KAZN: variants seen among roughly 807,000 people sequenced by gnomAD.
KAZN encodes the protein kazrin.
Under a neutral mutation model 87.4 loss-of-function variants are expected in KAZN, and 40 were observed. That is an observed-to-expected ratio of 0.46 (90% confidence interval 0.36 to 0.60). The LOEUF is 0.60. Ranked by LOEUF, KAZN falls within the 20% of genes least tolerant of loss-of-function variation. The pLI is 0.00. For missense variants in KAZN, 898 were observed against 1,073.9 expected, an observed-to-expected ratio of 0.84 and a Z score of 2.29; for synonymous variants, 466 against 458.3, an observed-to-expected ratio of 1.02 and a Z score of -0.22.
At chr1:14,864,992 C>A (rs1013993963) in intron 1 of KAZN, among the ~76,000 whole-genome samples, 1 of 152,180 alleles carries the variant, frequency 6.6e-6, no homozygotes, top group Non-Finnish European at 1.5e-5. Flanking sequence ...GCTAGACCCA[C>A]CAAAACATTG....
In KAZN at chr1:14,676,773, T is replaced by C. The variant is rs547603267; in HGVS notation, c.226+77550T>C. Among the ~76,000 whole-genome samples, 8 of 152,206 alleles carry C rather than the reference T, an allele frequency of 5.3e-5. No homozygotes were observed. In the South Asian group the frequency reaches 1.5e-3, roughly 28 times the overall value. ...CAAATCCATAGAGTTGGAAAGCAGATTGGTGGGTGCCAGGAGCTATGGGGA... is the reference window on the plus strand; with the variant it reads ...CAAATCCATAGAGTTGGAAAGCAGACTGGTGGGTGCCAGGAGCTATGGGGA... On this transcript the variant is annotated intron_variant, in intron 1 of 14. Transcript: ENST00000376030.
intron 1 of KAZN, among the ~76,000 whole-genome samples, chr1:14,907,824 G>A (rs574692102): frequency 2.6e-5 from 4 of 152,224 alleles, no homozygotes; most frequent in East Asian, 3.9e-4. Flanking sequence ...GTGGATCCCC[G>A]CTCAGCTCTC....
intron 1 of KAZN, among the ~76,000 whole-genome samples, chr1:14,642,749 T>A (rs936495330): frequency 2.0e-5 from 3 of 152,234 alleles, no homozygotes; most frequent in African/African-American, 7.2e-5. Context: ...ATGCTAATTA[T>A]TCTGATCTGA....
intron 2 of KAZN, among the ~76,000 whole-genome samples, chr1:14,275,942 T>C (rs1403281943): frequency 6.6e-6 from 1 of 152,196 alleles, no homozygotes; most frequent in Non-Finnish European, 1.5e-5. Context: ...ACCATGGTCC[T>C]ATGTAAAAAT....
intron 1 of KAZN, among the ~76,000 whole-genome samples, chr1:14,887,039 T>C (rs891247538): frequency 1.3e-5 from 2 of 152,156 alleles, no homozygotes; most frequent in Admixed American, 6.6e-5. Context: ...ACGAGTGTGG[T>C]TGTGAGGATT....
chr1:14,500,604 C>A (rs569811341), intron 2 of KAZN, among the ~76,000 whole-genome samples: 1 of 151,190 alleles, frequency 6.6e-6, no homozygotes, highest in African/African-American at 2.4e-5. Context: ...AAACTGGAAC[C>A]GAAACACATG....
intron 1 of KAZN, among the ~76,000 whole-genome samples, chr1:14,169,472 C>T (rs1645903552): frequency 6.6e-6 from 1 of 152,164 alleles, no homozygotes. Flanking sequence ...TACCTCTGGA[C>T]AGTTTGGTGG....
In KAZN at chr1:14,578,108, G is replaced by A. The variant is rs148551922; in HGVS notation, c.250-20875G>A. On this transcript the variant is annotated intron_variant, in intron 2 of 16. Transcript: ENST00000636203. Reference sequence around the variant, plus strand: ...TTCAATGAGCTCCTTCGGATTGGACGCATAATGAGCACATAATCCAAGTTT... The same window carrying A: ...TTCAATGAGCTCCTTCGGATTGGACACATAATGAGCACATAATCCAAGTTT... 6.4e-4 allele frequency among the ~76,000 whole-genome samples: 98 copies of A among 152,162 alleles called. No individual in the cohort carries two copies. The East Asian group carries it at 0.014, about 22-fold the overall frequency.
At chr1:14,674,917 C>T (rs1640124688) in intron 1 of KAZN, among the ~76,000 whole-genome samples, 1 of 151,868 alleles carries the variant, frequency 6.6e-6, no homozygotes, top group South Asian at 2.1e-4. Flanking sequence ...CTCCTGAGCA[C>T]CTGGGACTAC....
chr1:14,880,160 C>A (rs1201900294), intron 1 of KAZN, among the ~76,000 whole-genome samples: 1 of 152,022 alleles, frequency 6.6e-6, no homozygotes, highest in Non-Finnish European at 1.5e-5. Flanking sequence ...AGGGAGCTGC[C>A]CCATCAAATT....
chr1:14,954,348 A>T (rs1343567990), intron 1 of KAZN, among the ~76,000 whole-genome samples: 1 of 152,248 alleles, frequency 6.6e-6, no homozygotes, highest in Non-Finnish European at 1.5e-5. Flanking sequence ...GGCAAAGGCC[A>T]GGAGAGTTTT....
chr1:15,054,698 C>G (rs192699849), intron 4 of KAZN, among the ~76,000 whole-genome samples: 17 of 152,126 alleles, frequency 1.1e-4, no homozygotes, highest in Admixed American at 9.2e-4. Flanking sequence ...TGCAGTAGCA[C>G]ATTTCTAATA....
intron 1 of KAZN, among the ~76,000 whole-genome samples, chr1:14,025,116 T>A (rs1372400491): frequency 6.6e-6 from 1 of 152,228 alleles, no homozygotes; most frequent in Non-Finnish European, 1.5e-5. Flanking sequence ...ACAGAACAGG[T>A]CACTGGTTAG....
intron 1 of KAZN, among the ~76,000 whole-genome samples, chr1:14,876,575 T>C (rs1242149861): frequency 6.6e-6 from 1 of 152,188 alleles, no homozygotes; most frequent in Non-Finnish European, 1.5e-5. Flanking sequence ...ACTGCCTGGA[T>C]TCAAGTCTCA....
At position 14,694,145 on chromosome 1, in the gene KAZN, A is replaced by G. The variant is rs561610654; in HGVS notation, c.226+94922A>G. Among the ~76,000 whole-genome samples, 74 of 152,322 alleles carry G rather than the reference A, an allele frequency of 4.9e-4. No individual in the cohort carries two copies. In the South Asian group the frequency reaches 0.015, roughly 30 times the overall value. On this transcript the variant is annotated intron_variant, in intron 1 of 14. Transcript: ENST00000376030. Reference sequence around the variant, plus strand: ...AGGACCTCTGCTGTGCTGAAGCTGCAAAACACTGCCCAGCTCTGTGCCTTT... The same window carrying G: ...AGGACCTCTGCTGTGCTGAAGCTGCGAAACACTGCCCAGCTCTGTGCCTTT...
At chr1:14,754,059 A>G (rs1644486981) in intron 1 of KAZN, among the ~76,000 whole-genome samples, 1 of 152,218 alleles carries the variant, frequency 6.6e-6, no homozygotes, top group South Asian at 2.1e-4. Flanking sequence ...CCTGTGACCA[A>G]TCGACGTAGG....
At chr1:15,069,853 C>G (rs1486957628) in intron 8 of KAZN, among the ~76,000 whole-genome samples, 1 of 152,178 alleles carries the variant, frequency 6.6e-6, no homozygotes, top group South Asian at 2.1e-4. Context: ...TACTCAGTGG[C>G]CCGTCTGTGT....
intron 1 of KAZN, among the ~76,000 whole-genome samples, chr1:13,900,820 C>G (rs1024516577): frequency 4.6e-5 from 7 of 152,150 alleles, no homozygotes; most frequent in African/African-American, 7.2e-5. Flanking sequence ...TGTGATGAGT[C>G]TGACAATGAG....
chr1:15,093,507 G>T (rs1332468655), intron 8 of KAZN, among the ~76,000 whole-genome samples: 1 of 152,070 alleles, frequency 6.6e-6, no homozygotes, highest in Non-Finnish European at 1.5e-5. Flanking sequence ...TAAGAGGGGG[G>T]CGGGGGAAAA....
Sources: gnomAD v4.1 joint callset for allele counts (sites outside exome capture counted in the v4.1 genomes callset) on GRCh38, gnomAD v4.1.1 for gene constraint, MANE v1.5 for transcripts, NCBI Gene and HGNC (gene_info 2026-07-23, HGNC 2026-07-21) for gene names.